SNX13: variants seen among roughly 807,000 people sequenced by gnomAD.
The protein encoded by SNX13 is sorting nexin-13.
In SNX13, 45 loss-of-function variants were observed where a neutral mutation model predicts 133.6. That is an observed-to-expected ratio of 0.34 (90% CI 0.27 to 0.43). The LOEUF (loss-of-function observed/expected upper bound fraction) is 0.43. Among genes scored for constraint, SNX13 ranks in the 20% least tolerant of loss-of-function variants. The pLI is 1.00. For missense variants in SNX13, 1,032 were observed against 1,145.1 expected (o/e 0.90, Z 1.43); for synonymous variants, 414 against 373.9 (o/e 1.11, Z -1.24).
rs1783478697 is a variant in SNX13, at chr7:17,790,924, T to C, written c.*3121A>G. The C allele has an allele frequency of 6.6e-6, 1 of 152,060 alleles. No individual in the cohort carries two copies. The highest frequency in any genetic ancestry group is 2.4e-5 in the African/African-American group (1 of 41,462). 9.4% of individuals were successfully genotyped at this position (152,060 alleles called of 1,614,324 possible). ...AACAGTTAGGCACACAGTTGACACT[T>C]ACTGTACAATGATATGCACACATTA... On this transcript the variant is annotated 3_prime_UTR_variant, in exon 26 of 26. Coordinates refer to ENST00000428135, the MANE Select transcript of SNX13 (RefSeq NM_015132.5).
intron 1 of SNX13, among the ~76,000 whole-genome samples, chr7:17,907,498 A>G (rs1187757341): frequency 6.6e-6 from 1 of 152,214 alleles, no homozygotes; most frequent in African/African-American, 2.4e-5. Flanking sequence ...TAAGCATTTA[A>G]AAATCTGTAA....
At chr7:17,849,483 GATA>G in intron 11 of SNX13, among the ~76,000 whole-genome samples, 1 of 152,190 alleles carries the variant, frequency 6.6e-6, no homozygotes, top group Non-Finnish European at 1.5e-5. Context: ...AAAGAGTAAA[GATA>G]ATAATTTTAA....
At chr7:17,837,785 A>G (rs1200687463) in intron 13 of SNX13, among the ~76,000 whole-genome samples, 1 of 152,060 alleles carries the variant, frequency 6.6e-6, no homozygotes, top group Non-Finnish European at 1.5e-5. Context: ...CTTTTAGTAA[A>G]GAAATTTAGA....
At chr7:17,865,812 T>A (rs560624504) in intron 9 of SNX13, among the ~76,000 whole-genome samples, 2 of 152,008 alleles carry the variant, frequency 1.3e-5, no homozygotes, top group Non-Finnish European at 2.9e-5. Context: ...TGGAACAGAA[T>A]AGAGAACACA....
At chr7:17,937,851 G>A (rs1450045499) in intron 1 of SNX13, among the ~76,000 whole-genome samples, 2 of 152,154 alleles carry the variant, frequency 1.3e-5, no homozygotes, top group Non-Finnish European at 2.9e-5. Flanking sequence ...TCAGTGTTGA[G>A]ATGTAAAGAA....
chr7:17,819,705 T>A (rs1466830316), intron 18 of SNX13, among the ~76,000 whole-genome samples: 1 of 152,180 alleles, frequency 6.6e-6, no homozygotes, highest in African/African-American at 2.4e-5. Flanking sequence ...GATTTGAGTT[T>A]TTAAAATATA....
intron 13 of SNX13, among the ~76,000 whole-genome samples, chr7:17,838,140 A>C (rs1041358860): frequency 2.0e-5 from 3 of 151,876 alleles, no homozygotes; most frequent in Non-Finnish European, 4.4e-5. Flanking sequence ...AGATTTTAGC[A>C]TTTTTTCTAT....
chr7:17,877,628 A>C (rs1331878925), intron 5 of SNX13, among the ~76,000 whole-genome samples: 1 of 152,134 alleles, frequency 6.6e-6, no homozygotes, highest in Admixed American at 6.5e-5. Context: ...ACTTTCAAAC[A>C]AAATAAATTT....
intron 1 of SNX13, among the ~76,000 whole-genome samples, chr7:17,928,067 A>G (rs1800965979): frequency 6.6e-6 from 1 of 152,152 alleles, no homozygotes; most frequent in Non-Finnish European, 1.5e-5. Flanking sequence ...CATAATACAG[A>G]CTCCAAGGGG....
intron 1 of SNX13, among the ~76,000 whole-genome samples, chr7:17,938,420 T>C (rs1184833809): frequency 1.3e-5 from 2 of 152,200 alleles, no homozygotes; most frequent in African/African-American, 4.8e-5. Flanking sequence ...TTTCCTAATC[T>C]ATAAACGACT....
chr7:17,842,134 C>T (rs1789976839), intron 12 of SNX13, among the ~76,000 whole-genome samples: 2 of 151,966 alleles, frequency 1.3e-5, no homozygotes, highest in African/African-American at 2.4e-5. Context: ...AAAAGCTCAA[C>T]AATCTCCAAC....
chr7:17,940,138 A>C lies in SNX13; in HGVS notation c.12+146T>G. 2.9e-6 allele frequency: 3 copies of C among 1,045,384 alleles called. No homozygotes were observed. The South Asian group carries it at 4.2e-5, about 15-fold the overall frequency. The allele number at this position is 1,045,384 out of a possible 1,614,324, so 64.8% of individuals were successfully genotyped here. ...TCAGCACAGCTCCTACTCTGAGGGC[A>C]CTTGTAGGATCCCCGCTGCTCCTCG... On this transcript the variant is annotated intron_variant, in intron 1 of 25. Coordinates refer to ENST00000428135, the MANE Select transcript of SNX13 (RefSeq NM_015132.5).
rs1004578056 is a variant in SNX13, at chr7:17,921,151, G to T, written c.12+19133C>A. On this transcript the variant is annotated intron_variant, in intron 1 of 25. Coordinates refer to ENST00000428135, the MANE Select transcript of SNX13 (RefSeq NM_015132.5). ...CCCTTACCAGAGGATACAAGGATAG[G>T]ACTTCCTATGAAATTCAGTCTATCA... Among the ~76,000 whole-genome samples the T allele has an allele frequency of 2.0e-5, 3 of 152,206 alleles. No homozygotes were observed. In the South Asian group the frequency reaches 6.2e-4, roughly 32 times the overall value.
At position 17,801,603 on chromosome 7, in the gene SNX13, A is replaced by T; in HGVS notation, c.2283T>A (p.Ala761=). The T allele has an allele frequency of 6.2e-7, 1 of 1,608,630 alleles. No homozygotes were observed. The highest frequency in any genetic ancestry group is 8.5e-7 in the Non-Finnish European group (1 of 1,177,476). ...DSDPEHRRVS[A]QLDDNVDDNI... is the part of the protein sequence containing the mutation. The stretch of plus-strand genomic sequence containing the variant: ...ATTAACTCACATTATCGTCAAGTTG[A>T]GCCGAAACTCGGCGATGTTCAGGGT... The change falls in exon 22 of 26, where the codon GCT becomes GCA. Residue 761 remains alanine (A), a synonymous_variant. Coordinates refer to ENST00000428135, the MANE Select transcript of SNX13 (RefSeq NM_015132.5).
At chr7:17,900,077 T>C (rs998167101) in intron 1 of SNX13, 1 of 152,228 alleles carries the variant, frequency 6.6e-6, no homozygotes, top group Non-Finnish European at 1.5e-5. Context: ...TGTAGTGGTA[T>C]TGCCTTTATG....
intron 3 of SNX13, among the ~76,000 whole-genome samples, chr7:17,892,668 T>A (rs2127994088): frequency 6.6e-6 from 1 of 152,186 alleles, no homozygotes; most frequent in East Asian, 1.9e-4. Flanking sequence ...TACTTCTACA[T>A]CTCCTGCACC....
intron 1 of SNX13, among the ~76,000 whole-genome samples, chr7:17,905,195 G>A (rs1466550892): frequency 6.6e-6 from 1 of 152,182 alleles, no homozygotes; most frequent in Non-Finnish European, 1.5e-5. Context: ...ACTAAGTAAT[G>A]AGCCTTAGTA....
At chr7:17,890,956 CTAA>C (rs988949285) in intron 4 of SNX13, among the ~76,000 whole-genome samples, 3 of 151,802 alleles carry the variant, frequency 2.0e-5, no homozygotes, top group African/African-American at 7.3e-5. Context: ...CTTATTTCTA[CTAA>C]TACCTTTGAT....
intron 15 of SNX13, chr7:17,832,559 G>A (rs959852370): frequency 4.6e-6 from 4 of 878,758 alleles, no homozygotes; most frequent in Non-Finnish European, 5.5e-6. Context: ...GTCATTTTAG[G>A]ATGGTTAGTT....
Sources: gnomAD v4.1 joint callset for allele counts (sites outside exome capture counted in the v4.1 genomes callset) on GRCh38, gnomAD v4.1.1 for gene constraint, MANE v1.5 for transcripts, NCBI Gene and HGNC (gene_info 2026-07-23, HGNC 2026-07-21) for gene names.